The following FRY variants were observed in gnomAD, a reference collection of about 807,000 sequenced individuals.
FRY encodes the protein FRY microtubule binding protein, also known as protein furry homolog.
A neutral mutation model predicts 348.4 loss-of-function variants in FRY; 128 were observed. The ratio of observed to expected loss-of-function variants is 0.37; its 90% CI spans 0.32 to 0.43. The LOEUF (loss-of-function observed/expected upper bound fraction) is 0.43, where lower values mean the gene tolerates loss of function less well. Among genes scored for constraint, FRY ranks in the 20% least tolerant of loss-of-function variants. The probability of loss-of-function intolerance (pLI) is 1.00; values close to 1 mark genes in which losing one functional copy is unlikely to be tolerated. For synonymous variants in FRY, 1,370 were observed against 1,374.7 expected (o/e 1.00, Z 0.08); for missense variants, 2,736 against 3,695.2 (o/e 0.74, Z 6.73).
At chr13:32,200,233 G>A (rs1170825920) in intron 29 of FRY, among the ~76,000 whole-genome samples, 2 of 152,116 alleles carry the variant, frequency 1.3e-5, no homozygotes, top group Non-Finnish European at 2.9e-5. Flanking sequence ...GAGTTCTGGT[G>A]GGGCAAACAT....
intron 2 of FRY, among the ~76,000 whole-genome samples, chr13:32,086,594 T>C (rs1414383212): frequency 6.6e-6 from 1 of 152,180 alleles, no homozygotes; most frequent in Admixed American, 6.5e-5. Flanking sequence ...GAATTCCATC[T>C]GGATCTAGTC....
At chr13:32,094,114 A>T (rs1876520816) in intron 2 of FRY, among the ~76,000 whole-genome samples, 1 of 152,132 alleles carries the variant, frequency 6.6e-6, no homozygotes, top group Non-Finnish European at 1.5e-5. Flanking sequence ...AAAAACCAGG[A>T]TATCTGAATG....
intron 7 of FRY, among the ~76,000 whole-genome samples, chr13:32,129,803 A>G (rs916332953): frequency 6.6e-6 from 1 of 152,228 alleles, no homozygotes; most frequent in African/African-American, 2.4e-5. Flanking sequence ...ACAAAGTATT[A>G]TAAAATGGAC....
At chr13:32,159,852 G>A (rs1881340640) in intron 16 of FRY, among the ~76,000 whole-genome samples, 1 of 152,170 alleles carries the variant, frequency 6.6e-6, no homozygotes, top group African/African-American at 2.4e-5. Context: ...AGCTATTGAG[G>A]ATATCTGAAA....
intron 39 of FRY, among the ~76,000 whole-genome samples, chr13:32,226,749 TG>T (rs1350449673): frequency 6.6e-6 from 1 of 152,154 alleles, no homozygotes; most frequent in African/African-American, 2.4e-5. Flanking sequence ...GTGAAAAGGG[TG>T]CACCTTTTAT....
At chr13:32,097,895 A>G (rs953584223) in intron 2 of FRY, among the ~76,000 whole-genome samples, 4 of 152,102 alleles carry the variant, frequency 2.6e-5, no homozygotes, top group Admixed American at 2.0e-4. Context: ...TCTACACTTT[A>G]AAGTGCTAAA....
At chr13:32,102,123 A>G (rs1877203634) in intron 3 of FRY, 107 bp downstream of exon 3, 1 of 759,786 alleles carries the variant, frequency 1.3e-6, no homozygotes, top group Non-Finnish European at 2.4e-6. Flanking sequence ...CTCAAAAAGT[A>G]TATGGGTATG....
Position 32,117,436 on chromosome 13 carries a change from C to A in FRY, c.427C>A (p.His143Asn). ...KRQNGIEDES[H>N]EYRPRTSNKS... The stretch of plus-strand genomic sequence containing the variant: ...GCAAAATGGCATTGAGGATGAATCA[C>A]ATGAATACAGACCAAGAACAAGCAA... The change falls in exon 4 of 61, where the codon CAT becomes AAT. Residue 143 changes from histidine to asparagine, a missense_variant. Around this residue, in one of 9 missense-constraint regions of FRY, gnomAD observed 309 missense variants for 418.1 expected, o/e 0.74. Coordinates refer to ENST00000542859, the MANE Select transcript of FRY (RefSeq NM_023037.3). The A allele has an allele frequency of 6.2e-7, 1 of 1,613,686 alleles. No homozygotes were observed. The highest frequency in any genetic ancestry group is 1.3e-5 in the African/African-American group (1 of 75,014).
intron 41 of FRY, among the ~76,000 whole-genome samples, chr13:32,234,119 CAAAAAAAAAA>C (rs11322238): frequency 1.3e-5 from 1 of 76,200 alleles, no homozygotes; most frequent in Non-Finnish European, 2.4e-5. Context: ...ACCCTGTTTC[CAAAAAAAAAA>C]AAAAAAAAAA....
chr13:32,070,732 T>A (rs1278795068), intron 1 of FRY, among the ~76,000 whole-genome samples: 3 of 152,152 alleles, frequency 2.0e-5, no homozygotes, highest in Non-Finnish European at 2.9e-5. Context: ...CCCATTTGTC[T>A]ATTTTGGCTT....
intron 41 of FRY, among the ~76,000 whole-genome samples, chr13:32,233,489 C>G (rs1792760566): frequency 6.6e-6 from 1 of 152,166 alleles, no homozygotes; most frequent in Admixed American, 6.5e-5. Context: ...CTGAGATTAC[C>G]TTTGTACAAT....
intron 29 of FRY, among the ~76,000 whole-genome samples, chr13:32,197,459 A>G (rs1242774595): frequency 6.6e-6 from 1 of 152,202 alleles, no homozygotes; most frequent in African/African-American, 2.4e-5. Flanking sequence ...GGAGTATTTC[A>G]GGAGAGCAGA....
intron 2 of FRY, among the ~76,000 whole-genome samples, chr13:32,085,242 C>T (rs1875779608): frequency 1.3e-5 from 2 of 152,118 alleles, no homozygotes; most frequent in South Asian, 4.1e-4. Flanking sequence ...ACGGGTGACT[C>T]TTAGTGATCA....
At chr13:32,226,095 G>A (rs2138415379) in intron 39 of FRY, 121 bp downstream of exon 39, 1 of 784,868 alleles carries the variant, frequency 1.3e-6, no homozygotes, top group East Asian at 2.6e-5. Flanking sequence ...TTTCCACGTG[G>A]TAAATCAACA....
chr13:32,194,377 T>C, intron 29 of FRY, 80 bp downstream of exon 29: 1 of 1,310,098 alleles, frequency 7.6e-7, no homozygotes, highest in South Asian at 1.2e-5. Context: ...GAGAGCTGTT[T>C]TGCAACTATA....
chr13:32,238,571 C>G (rs937867592), intron 44 of FRY, among the ~76,000 whole-genome samples: 2 of 152,124 alleles, frequency 1.3e-5, no homozygotes, highest in Non-Finnish European at 2.9e-5. Context: ...CCTGCCTCAG[C>G]CTCCGGAGTA....
At chr13:32,250,390 G>A (rs541098738) in intron 49 of FRY, among the ~76,000 whole-genome samples, 1 of 152,290 alleles carries the variant, frequency 6.6e-6, no homozygotes, top group East Asian at 1.9e-4. Flanking sequence ...GTCAGAAACT[G>A]GATTCTTAGG....
In FRY at chr13:32,261,627, G is replaced by T; in HGVS notation, c.7428G>T (p.Met2476Ile). 1 of 1,614,090 alleles carries T rather than the reference G, an allele frequency of 6.2e-7. No individual in the cohort carries two copies. Among genetic ancestry groups the T allele is most frequent in the Non-Finnish European group, 8.5e-7 (1 of 1,179,936 alleles). ...TGGTGTGATTTCAGGGTGAGAGTAT[G>T]GACAATTTCAACTGGGGAGTGCGCA... ...VELEDGEGES[M>I]DNFNWGVRRR... Residue 2476 changes from methionine (M) to isoleucine (I), a missense_variant, in exon 52 of 61, where the codon ATG (methionine) becomes ATT (isoleucine). Transcript: ENST00000542859.
At chr13:32,106,964 A>C (rs1205562672) in intron 3 of FRY, among the ~76,000 whole-genome samples, 4 of 152,192 alleles carry the variant, frequency 2.6e-5, no homozygotes, top group African/African-American at 9.7e-5. Context: ...TAGAAGCTAA[A>C]ACTTCATGTT....
Sources: gnomAD v4.1 joint callset for allele counts (sites outside exome capture counted in the v4.1 genomes callset) on GRCh38, gnomAD v4.1.1 for gene constraint, gnomAD v4.1.1 regional missense constraint, MANE v1.5 for transcripts, NCBI Gene and HGNC (gene_info 2026-07-23, HGNC 2026-07-21) for gene names.